Variants in PRDM2 observed in about 807,000 individuals in gnomAD.
The protein encoded by PRDM2 is PR/SET domain 2.
In PRDM2, 30 loss-of-function variants were observed where a neutral mutation model predicts 130.0. The observed-to-expected ratio is 0.23, with a 90% CI of 0.17 to 0.31. PRDM2 has a LOEUF of 0.31. Ranked by LOEUF, PRDM2 falls within the 10% of genes least tolerant of loss-of-function variation. The pLI is 1.00. For synonymous variants in PRDM2, 871 were observed against 782.4 expected (o/e 1.11, Z -1.89); for missense variants, 2,011 against 2,108.4 (o/e 0.95, Z 0.90).
intron 2 of PRDM2, chr1:13,722,981 C>T (rs747009398): frequency 3.1e-5 from 12 of 391,498 alleles, no homozygotes; most frequent in Admixed American, 1.2e-4. Context: ...GTCATCCCAC[C>T]GCTCTCTGAA....
chr1:13,801,728 A>G (rs1020005904), intron 8 of PRDM2, among the ~76,000 whole-genome samples: 7 of 152,258 alleles, frequency 4.6e-5, no homozygotes, highest in Non-Finnish European at 1.0e-4. Flanking sequence ...GCAAATGATT[A>G]TGAGGACAAA....
intron 7 of PRDM2, among the ~76,000 whole-genome samples, chr1:13,777,861 GA>G (rs1557643975): frequency 1.3e-5 from 2 of 151,694 alleles, no homozygotes; most frequent in African/African-American, 4.8e-5. Flanking sequence ...TGTCTAGCTT[GA>G]AAAACTTGTG....
At chr1:13,717,273 C>A in intron 2 of PRDM2, 1 of 231,842 alleles carries the variant, frequency 4.3e-6, no homozygotes, top group Non-Finnish European at 7.1e-6. Context: ...CATCGTCCAT[C>A]AAAGTTATAC....
intron 1 of PRDM2, among the ~76,000 whole-genome samples, chr1:13,703,110 A>G (rs1409473911): frequency 6.6e-6 from 1 of 152,258 alleles, no homozygotes; most frequent in Non-Finnish European, 1.5e-5. Flanking sequence ...ACAAGTTTCT[A>G]GTTAGAGCTA....
chr1:13,725,615 A>G (rs1429825685), intron 2 of PRDM2, among the ~76,000 whole-genome samples: 1 of 152,270 alleles, frequency 6.6e-6, no homozygotes, highest in Non-Finnish European at 1.5e-5. Context: ...TAGTTAGACT[A>G]CAGGCCTTAT....
Position 13,802,280 on chromosome 1 carries a change from C to T in PRDM2, c.5037-14147C>T, listed in dbSNP as rs114865444. Among the ~76,000 whole-genome samples, 547 of 152,274 alleles carry T rather than the reference C, an allele frequency of 3.6e-3. 6 individuals carry two copies. Among genetic ancestry groups the T allele is most frequent in the African/African-American group, 0.012 (513 of 41,548 alleles). ...GACAGTGCCAGCCCTGCATCTGGGACGCCCTGTCAGCCAGGCACACCCAGG... is the reference window on the plus strand; with the variant it reads ...GACAGTGCCAGCCCTGCATCTGGGATGCCCTGTCAGCCAGGCACACCCAGG... On this transcript the variant is annotated intron_variant, in intron 8 of 9. Coordinates refer to ENST00000311066, the MANE Select transcript of PRDM2 (RefSeq NM_001393986.1).
At chr1:13,789,859 C>T (rs572129797) in intron 8 of PRDM2, among the ~76,000 whole-genome samples, 1 of 152,364 alleles carries the variant, frequency 6.6e-6, no homozygotes, top group Admixed American at 6.5e-5. Context: ...GTTTATCGTT[C>T]CCCGTCAGCC....
At chr1:13,712,319 C>G (rs1036502691) in intron 1 of PRDM2, among the ~76,000 whole-genome samples, 2 of 152,160 alleles carry the variant, frequency 1.3e-5, no homozygotes, top group Admixed American at 1.3e-4. Context: ...GTTAGGATAT[C>G]TCAGTTGTCT....
At position 13,774,359 on chromosome 1, in the gene PRDM2, G is replaced by T. The variant is rs368484943; in HGVS notation, c.622+1171G>T. 2.6e-5 allele frequency among the ~76,000 whole-genome samples: 4 copies of T among 152,328 alleles called. No homozygotes were observed. In the East Asian group the frequency reaches 5.8e-4, roughly 22 times the overall value. On this transcript the variant is annotated intron_variant, in intron 7 of 9. Coordinates refer to ENST00000311066, the MANE Select transcript of PRDM2 (RefSeq NM_001393986.1). ...GAAGACAGGTTTGTGACTCTTTTAA[G>T]AAATATTTGTAGAGGAAAATAACCA...
At chr1:13,712,128 GT>G (rs1642388858) in intron 1 of PRDM2, among the ~76,000 whole-genome samples, 1 of 152,006 alleles carries the variant, frequency 6.6e-6, no homozygotes. Context: ...GGAGGCTGAG[GT>G]GGGAGGATCA....
intron 8 of PRDM2, chr1:13,786,673 T>C (rs1005553977): frequency 1.3e-6 from 2 of 1,515,640 alleles, no homozygotes; most frequent in African/African-American, 2.8e-5. Flanking sequence ...ATTCAGCTGA[T>C]TGCCGGCAGG....
Position 13,779,199 on chromosome 1 carries a change from A to T in PRDM2, c.1404A>T (p.Ile468=), listed in dbSNP as rs754314038. The T allele has an allele frequency of 6.2e-7, 1 of 1,614,176 alleles. No homozygotes were observed. The highest frequency in any genetic ancestry group is 8.5e-7 in the Non-Finnish European group (1 of 1,180,028). Residue 468 remains isoleucine (I), a synonymous_variant, in exon 8 of 10, where the codon ATA becomes ATT. Coordinates refer to ENST00000311066, the MANE Select transcript of PRDM2 (RefSeq NM_001393986.1). The surrounding 1 kb of genome is among the most constrained non-coding windows in gnomAD (Gnocchi z 4.9). The part of the protein sequence containing the change: ...MNSEKASQDT[I]NSSVVEENGE... ...CAGAGAAGGCTTCCCAAGACACAAT[A>T]AATTCTTCTGTCGTAGAAGAGAATG...
rs1644605803 is a variant in PRDM2 at position 13,781,187 on chromosome 1, A to G, written c.3392A>G (p.Asn1131Ser). The G allele has an allele frequency of 2.5e-6, 4 of 1,614,222 alleles. No individual in the cohort carries two copies. Among genetic ancestry groups the G allele is most frequent in the Non-Finnish European group, 3.4e-6 (4 of 1,180,042 alleles). Residue 1131 changes from asparagine (N) to serine (S), a missense_variant, in exon 8 of 10, where the codon AAC becomes AGC. Around this residue, in one of 5 missense-constraint regions of PRDM2, gnomAD observed 229 missense variants for 364.1 expected, o/e 0.63. Transcript: ENST00000311066. This position sits in a 1 kb window ranked among gnomAD's most constrained non-coding sequence, Gnocchi z 6.1. The part of the protein sequence containing the change: ...EQDVVVQETF[N>S]KNFVCNVCES... The stretch of plus-strand genomic sequence containing the variant: ...GATGTTGTTGTTCAGGAAACATTCA[A>G]CAAAAACTTTGTTTGCAACGTCTGT...
chr1:13,724,823 TAA>T (rs1378235673), intron 2 of PRDM2, among the ~76,000 whole-genome samples: 1 of 151,992 alleles, frequency 6.6e-6, no homozygotes, highest in Admixed American at 6.6e-5. Flanking sequence ...TTGCAGGGCA[TAA>T]AGGGAGAAAA....
At chr1:13,746,293 G>A (rs1370720472) in intron 5 of PRDM2, among the ~76,000 whole-genome samples, 1 of 151,266 alleles carries the variant, frequency 6.6e-6, no homozygotes, top group Non-Finnish European at 1.5e-5. Context: ...GAAGGGAGTA[G>A]TTTTTCTTTT....
chr1:13,798,000 A>T (rs541700029), intron 8 of PRDM2, among the ~76,000 whole-genome samples: 1 of 152,218 alleles, frequency 6.6e-6, no homozygotes, highest in East Asian at 1.9e-4. Flanking sequence ...ACTTTCAATT[A>T]TGTTTTTCCT....
intron 6 of PRDM2, 43 bp from the exon 7 acceptor site, chr1:13,773,035 A>T (rs1005752050): frequency 2.7e-5 from 24 of 901,810 alleles, no homozygotes; most frequent in African/African-American, 5.2e-5. Context: ...ATGAATAAAT[A>T]AAAAAAAAAT....
intron 4 of PRDM2, among the ~76,000 whole-genome samples, chr1:13,737,928 A>C (rs559191689): frequency 1.4e-4 from 22 of 152,266 alleles, no homozygotes; most frequent in African/African-American, 5.1e-4. Context: ...ACCTCATGGA[A>C]ATTTTTATTT....
chr1:13,761,438 TC>T (rs1370029333), intron 6 of PRDM2, among the ~76,000 whole-genome samples: 1 of 152,184 alleles, frequency 6.6e-6, no homozygotes, highest in Admixed American at 6.5e-5. Flanking sequence ...ATACCAGTTT[TC>T]CGGGAAGAAA....
Sources: allele counts gnomAD v4.1 joint callset (sites outside exome capture counted in the v4.1 genomes callset), GRCh38; gene constraint gnomAD v4.1.1; regional missense constraint gnomAD v4.1.1; non-coding constraint Gnocchi (gnomAD v3.1); transcripts MANE v1.5; gene names NCBI Gene and HGNC (gene_info 2026-07-23, HGNC 2026-07-21).